Variants in CALN1 observed in about 807,000 individuals in gnomAD.
The protein encoded by CALN1 is calneuron 1, also known as calcium-binding protein 8.
CALN1 carries 17 observed loss-of-function variants against 30.6 expected under a neutral mutation model. The ratio of observed to expected loss-of-function variants is 0.56; its 90% CI spans 0.38 to 0.83. The LOEUF (loss-of-function observed/expected upper bound fraction) is 0.83, where lower values mean the gene tolerates loss of function less well. Among genes scored for constraint, CALN1 ranks in the 40% least tolerant of loss-of-function variants. The probability of loss-of-function intolerance (pLI) is 0.00; values close to 1 mark genes in which losing one functional copy is unlikely to be tolerated. For missense variants in CALN1, 291 were observed against 354.9 expected (o/e 0.82, Z 1.45); for synonymous variants, 156 against 131.4 (o/e 1.19, Z -1.28).
At chr7:71,996,010 C>T (rs1383127918) in intron 5 of CALN1, among the ~76,000 whole-genome samples, 7 of 152,086 alleles carry the variant, frequency 4.6e-5, no homozygotes, top group African/African-American at 2.4e-5. Context: ...TTTTCTGCCC[C>T]GTCAAGAAGC....
At chr7:72,457,132 C>T in the CALN1 span, among the ~76,000 whole-genome samples, 1 of 151,672 alleles carries the variant, frequency 6.6e-6, no homozygotes, top group Non-Finnish European at 1.5e-5. Context: ...TCTCAGCCTC[C>T]TGAGTAGCTG....
In CALN1 at chr7:72,115,044, TTATGGACATTACATTATA is replaced by T. The variant is rs1465795048; in HGVS notation, c.245-8768_245-8751del. 1.2e-3 allele frequency among the ~76,000 whole-genome samples: 179 copies of T among 150,684 alleles called. 1 individual carries two copies. The highest frequency in any genetic ancestry group is 1.4e-3 in the Non-Finnish European group (97 of 67,726). On this transcript the variant is annotated intron_variant, in intron 3 of 6. Coordinates refer to ENST00000395275, the MANE Select transcript of CALN1 (RefSeq NM_031468.4). ...TTCCCATTTTTAGTAATGTGGGACA[TTATGGACATTACATTATA>T]TATGGACATTACATTATATATGGAC...
intron 3 of CALN1, among the ~76,000 whole-genome samples, chr7:72,176,574 C>A (rs553225336): frequency 4.6e-5 from 7 of 152,248 alleles, no homozygotes; most frequent in South Asian, 4.1e-4. Context: ...CTCCTCATCA[C>A]CTTCCCTCCA....
intron 3 of CALN1, among the ~76,000 whole-genome samples, chr7:72,167,503 C>A (rs1468772623): frequency 6.6e-6 from 1 of 152,164 alleles, no homozygotes; most frequent in Non-Finnish European, 1.5e-5. Context: ...CGCCACCATG[C>A]TCAGCTAATT....
intron 5 of CALN1, among the ~76,000 whole-genome samples, chr7:71,958,400 T>C (rs1353346179): frequency 6.6e-6 from 1 of 152,192 alleles, no homozygotes; most frequent in Non-Finnish European, 1.5e-5. Context: ...TCCAGTTCCC[T>C]GTCTTCATTG....
Position 71,956,177 on chromosome 7 carries a change from G to A in CALN1, c.501+67480C>T, listed in dbSNP as rs118024080. Among the ~76,000 whole-genome samples, 641 of 152,036 alleles carry A rather than the reference G, an allele frequency of 4.2e-3. 7 individuals are homozygous for A. The highest frequency in any genetic ancestry group is 6.9e-3 in the Non-Finnish European group (472 of 67,982). ...TAATTTTTGTATTTTTAGTAGAGAC[G>A]GAGCATCATCATGTTGGCCAGGCTG... On this transcript the variant is annotated intron_variant, in intron 5 of 6. Coordinates refer to ENST00000395275, the MANE Select transcript of CALN1 (RefSeq NM_031468.4).
the CALN1 span, among the ~76,000 whole-genome samples, chr7:72,475,552 T>C: frequency 2.0e-5 from 3 of 152,342 alleles, no homozygotes; most frequent in South Asian, 6.2e-4. Context: ...CACAGATCTT[T>C]CTGATGCATA....
At chr7:71,969,476 A>C (rs1488162205) in intron 5 of CALN1, among the ~76,000 whole-genome samples, 4 of 152,166 alleles carry the variant, frequency 2.6e-5, no homozygotes, top group Non-Finnish European at 5.9e-5. Context: ...TACATACATA[A>C]ATAAATCATG....
chr7:72,292,679 GGCAT>G (rs1798569218), intron 2 of CALN1, among the ~76,000 whole-genome samples: 1 of 151,222 alleles, frequency 6.6e-6, no homozygotes, highest in African/African-American at 2.4e-5. Flanking sequence ...AAATTAGCCA[GGCAT>G]GGTGGCGCAT....
intron 4 of CALN1, among the ~76,000 whole-genome samples, chr7:72,044,599 CTTTTT>C (rs549079139): frequency 3.1e-5 from 3 of 96,690 alleles, no homozygotes; most frequent in African/African-American, 1.2e-4. Context: ...CCGCTTAAAA[CTTTTT>C]TTTTTTTTTT....
chr7:72,173,718 C>T (rs1226162719), intron 3 of CALN1, among the ~76,000 whole-genome samples: 2 of 152,084 alleles, frequency 1.3e-5, no homozygotes, highest in African/African-American at 2.4e-5. Flanking sequence ...ATAAATGATG[C>T]TAGAATGCCT....
At chr7:72,108,802 T>C (rs188141123) in intron 3 of CALN1, among the ~76,000 whole-genome samples, 2 of 152,316 alleles carry the variant, frequency 1.3e-5, no homozygotes, top group Admixed American at 1.3e-4. Flanking sequence ...TCTGACAAGC[T>C]AGATATATCA....
chr7:72,039,931 C>T (rs1322050721), intron 4 of CALN1, among the ~76,000 whole-genome samples: 1 of 152,118 alleles, frequency 6.6e-6, no homozygotes, highest in African/African-American at 2.4e-5. Flanking sequence ...TGCTTGGTTA[C>T]TAAACTCAAC....
In CALN1 at chr7:72,403,417, G is replaced by A. The variant is rs966186102; in HGVS notation, c.-48C>T. On this transcript the variant is annotated 5_prime_UTR_variant, in exon 2 of 7. Transcript: ENST00000395275. ...CAGAGAGAGTTAGAAGCTCATCAAA[G>A]GAACGTCAGCGAAGGCACTGAGACT... 1.9e-5 allele frequency: 28 copies of A among 1,461,066 alleles called. No homozygotes were observed. Among genetic ancestry groups the A allele is most frequent in the African/African-American group, 2.8e-5 (2 of 71,100 alleles). The allele number at this position is 1,461,066 out of a possible 1,614,324, so 90.5% of individuals were successfully genotyped here.
At chr7:71,854,262 T>A (rs1790812870) in intron 5 of CALN1, among the ~76,000 whole-genome samples, 1 of 151,962 alleles carries the variant, frequency 6.6e-6, no homozygotes. Context: ...CTCTTGAACC[T>A]GGGAGGCAGA....
At chr7:72,468,457 G>A in the CALN1 span, among the ~76,000 whole-genome samples, 1 of 152,180 alleles carries the variant, frequency 6.6e-6, no homozygotes, top group African/African-American at 2.4e-5. Context: ...GGGACTACAG[G>A]CATGTGCCAA....
At chr7:72,334,610 T>C (rs1459773678) in intron 2 of CALN1, among the ~76,000 whole-genome samples, 1 of 152,150 alleles carries the variant, frequency 6.6e-6, no homozygotes, top group East Asian at 1.9e-4. Flanking sequence ...TGAATTAAAT[T>C]ATTTTCGTTC....
intron 4 of CALN1, among the ~76,000 whole-genome samples, chr7:72,066,283 G>C (rs186512143): frequency 6.6e-6 from 1 of 152,218 alleles, no homozygotes. Context: ...ACAATAAAGT[G>C]GGGGACAGAG....
chr7:72,022,515 CAA>C (rs1800761008), intron 5 of CALN1, among the ~76,000 whole-genome samples: 1 of 152,230 alleles, frequency 6.6e-6, no homozygotes, highest in South Asian at 2.1e-4. Flanking sequence ...CCCTCAGCCT[CAA>C]GAGTAGCTGG....
Sources: allele counts gnomAD v4.1 joint callset (sites outside exome capture counted in the v4.1 genomes callset), GRCh38; gene constraint gnomAD v4.1.1; transcripts MANE v1.5; gene names NCBI Gene and HGNC (gene_info 2026-07-23, HGNC 2026-07-21).